RERE: variants seen among roughly 807,000 people sequenced by gnomAD.
RERE encodes arginine-glutamic acid dipeptide repeats protein.
Under a neutral mutation model 146.1 loss-of-function variants are expected in RERE, and 40 were observed. The observed-to-expected ratio is 0.27, with a 90% confidence interval of 0.21 to 0.36. RERE has a LOEUF of 0.36. Among genes scored for constraint, RERE ranks in the 10% least tolerant of loss-of-function variants. The probability of loss-of-function intolerance (pLI) is 1.00; values close to 1 mark genes in which losing one functional copy is unlikely to be tolerated. For missense variants in RERE, 1,933 were observed against 2,138.7 expected (o/e 0.90, Z 1.90); for synonymous variants, 1,003 against 866.0 (o/e 1.16, Z -2.78).
chr1:8,428,544 C>G (rs190220614), intron 11 of RERE: 32 of 152,296 alleles, frequency 2.1e-4, no homozygotes, highest in African/African-American at 6.7e-4. Context: ...AGTTACCTAC[C>G]TACAAGTCCC....
intron 4 of RERE, among the ~76,000 whole-genome samples, chr1:8,612,387 CATTAAAGAACAATCAA>C (rs1646803009): frequency 6.6e-6 from 1 of 152,160 alleles, no homozygotes; most frequent in East Asian, 1.9e-4. Flanking sequence ...CACAAAGCAT[CATTAAAGAACAATCAA>C]TACAGTTAGC....
chr1:8,417,770 C>A (rs1643817081), intron 12 of RERE, among the ~76,000 whole-genome samples: 1 of 152,186 alleles, frequency 6.6e-6, no homozygotes, highest in South Asian at 2.1e-4. Flanking sequence ...CAAAATCTAC[C>A]CTGCAGCTAT....
intron 10 of RERE, among the ~76,000 whole-genome samples, chr1:8,477,474 T>C (rs1570304489): frequency 6.6e-6 from 1 of 152,204 alleles, no homozygotes; most frequent in African/African-American, 2.4e-5. Context: ...ATGTTTTCAC[T>C]TACTCCTGGC....
At chr1:8,728,720 T>C (rs1394529378) in intron 1 of RERE, among the ~76,000 whole-genome samples, 2 of 152,212 alleles carry the variant, frequency 1.3e-5, no homozygotes, top group Non-Finnish European at 2.9e-5. Context: ...ATATCTGTTA[T>C]TACTTCTGAA....
chr1:8,414,993 T>C (rs75741779), intron 12 of RERE, among the ~76,000 whole-genome samples: 1 of 152,222 alleles, frequency 6.6e-6, no homozygotes, highest in Admixed American at 6.5e-5. Flanking sequence ...CTCAAGGGTA[T>C]AGTTTCAAAT....
At chr1:8,509,319 C>T (rs146641571) in intron 7 of RERE, among the ~76,000 whole-genome samples, 563 of 152,184 alleles carry the variant, frequency 3.7e-3, no homozygotes, top group Middle Eastern at 0.027. Context: ...GACATTTCTT[C>T]CGTTCAAAAC....
At chr1:8,655,876 C>T in intron 2 of RERE, 97 bp downstream of exon 2, 2 of 1,513,418 alleles carry the variant, frequency 1.3e-6, no homozygotes, top group Non-Finnish European at 1.8e-6. Flanking sequence ...GATTCCAAGC[C>T]TTCCTTAAAG....
intron 1 of RERE, among the ~76,000 whole-genome samples, chr1:8,724,628 C>T (rs1639923289): frequency 6.6e-6 from 1 of 152,144 alleles, no homozygotes; most frequent in East Asian, 1.9e-4. Context: ...GGGCAGATCA[C>T]GAGCTCAGGA....
At chr1:8,486,799 T>C (rs964190614) in intron 10 of RERE, among the ~76,000 whole-genome samples, 1 of 146,998 alleles carries the variant, frequency 6.8e-6, no homozygotes, top group African/African-American at 2.5e-5. Flanking sequence ...AAAAAAGCAC[T>C]TTCTATATAA....
chr1:8,467,174 C>T (rs561121970), intron 10 of RERE, among the ~76,000 whole-genome samples: 1 of 152,276 alleles, frequency 6.6e-6, no homozygotes, highest in African/African-American at 2.4e-5. Flanking sequence ...ATGGAGTGGA[C>T]GTTCTGATCT....
At chr1:8,754,285 G>GT (rs1238017385) in intron 1 of RERE, among the ~76,000 whole-genome samples, 2 of 151,524 alleles carry the variant, frequency 1.3e-5, no homozygotes, top group African/African-American at 2.4e-5. Flanking sequence ...GAGTTGCAGA[G>GT]TATGTGTGTT....
chr1:8,796,523 C>T (rs577360039), intron 1 of RERE: 46 of 150,046 alleles, frequency 3.1e-4, no homozygotes, highest in African/African-American at 1.1e-3. Context: ...TTAGGAATTA[C>T]AAAAAGGGAT....
chr1:8,378,013 T>C (rs1292996993), intron 12 of RERE, among the ~76,000 whole-genome samples: 1 of 152,228 alleles, frequency 6.6e-6, no homozygotes, highest in East Asian at 1.9e-4. Flanking sequence ...TTTATGGTTT[T>C]TATGGATGCA....
At position 8,358,911 on chromosome 1, in the gene RERE, C is replaced by G. The variant is rs201120505; in HGVS notation, c.3624G>C (p.Ala1208=). Residue 1208 remains alanine, a synonymous_variant, in exon 20 of 23, where the codon GCG becomes GCC. Coordinates refer to ENST00000400908, the MANE Select transcript of RERE (RefSeq NM_001042681.2). ...GGCGACCTTCATGCGCTGAGCTGGA[C>G]GCCTTCTGCAGAAGGAAAAGAAAGC... is the stretch of plus-strand genomic sequence containing the variant. ...REREAERAAK[A]SSSAHEGRLS... is the part of the protein sequence containing the mutation. 3 of 1,522,718 alleles carry G rather than the reference C, an allele frequency of 2.0e-6. No homozygotes were observed. Among genetic ancestry groups the G allele is most frequent in the Non-Finnish European group, 2.6e-6 (3 of 1,137,740 alleles). 94.3% of individuals were successfully genotyped at this position (1,522,718 alleles called of 1,614,324 possible). A position where few individuals can be genotyped will look rare whatever the true frequency, so the allele number is the denominator to read the frequency against.
At chr1:8,551,193 C>G (rs1455804960) in intron 6 of RERE, among the ~76,000 whole-genome samples, 1 of 152,212 alleles carries the variant, frequency 6.6e-6, no homozygotes, top group Non-Finnish European at 1.5e-5. Context: ...AGTCCTCAGT[C>G]AGCAAGACAC....
At chr1:8,552,246 A>C (rs536008307) in intron 6 of RERE, among the ~76,000 whole-genome samples, 3 of 152,334 alleles carry the variant, frequency 2.0e-5, no homozygotes, top group African/African-American at 2.4e-5. Context: ...CTCCTTTATA[A>C]CCCAACTCTA....
Position 8,495,135 on chromosome 1 carries a change from A to C in RERE, c.1032T>G (p.Cys344Trp). The C allele has an allele frequency of 6.2e-7, 1 of 1,613,942 alleles. No homozygotes were observed. The highest frequency in any genetic ancestry group is 8.5e-7 in the Non-Finnish European group (1 of 1,179,836). ...ARSMAAFAGM[C>W]DGGSTEDGCV... is the part of the protein sequence containing the mutation. ...AGCCGTCCTCTGTAGAGCCTCCATC[A>C]CACATTCCTGCAAATGCCGCCATGC... The change falls in exon 10 of 23, where the codon TGT (cysteine) becomes TGG (tryptophan). Residue 344 changes from cysteine to tryptophan, a missense_variant. Coordinates refer to ENST00000400908, the MANE Select transcript of RERE (RefSeq NM_001042681.2).
intron 4 of RERE, among the ~76,000 whole-genome samples, chr1:8,595,994 C>A (rs1646551378): frequency 6.6e-6 from 1 of 152,198 alleles, no homozygotes; most frequent in Non-Finnish European, 1.5e-5. Context: ...ACTACAGGCC[C>A]ACAGGCCATG....
intron 11 of RERE, among the ~76,000 whole-genome samples, chr1:8,443,476 A>AAAAG (rs1557634912): frequency 5.3e-5 from 8 of 151,292 alleles, no homozygotes; most frequent in African/African-American, 1.5e-4. Flanking sequence ...AAAAAAAAAA[A>AAAAG]AAAGAAAGAA....
Sources: gnomAD v4.1 joint callset for allele counts (sites outside exome capture counted in the v4.1 genomes callset) on GRCh38, gnomAD v4.1.1 for gene constraint, MANE v1.5 for transcripts, NCBI Gene and HGNC (gene_info 2026-07-23, HGNC 2026-07-21) for gene names.